The following DLGAP4 variants were observed in gnomAD, a reference collection of about 807,000 sequenced individuals.
The protein encoded by DLGAP4 is disks large-associated protein 4.
A neutral mutation model predicts 86.9 loss-of-function variants in DLGAP4; 18 were observed. The observed-to-expected ratio is 0.21, with a 90% confidence interval of 0.14 to 0.31. The LOEUF is 0.31. DLGAP4 is among the 10% of genes least tolerant of loss of function. The probability of loss-of-function intolerance (pLI) is 1.00; values close to 1 mark genes in which losing one functional copy is unlikely to be tolerated. For synonymous variants in DLGAP4, 548 were observed against 574.3 expected, an observed-to-expected ratio of 0.95 and a Z score of 0.65; for missense variants, 1,085 against 1,362.6, an observed-to-expected ratio of 0.80 and a Z score of 3.21.
Position 36,350,973 on chromosome 20 carries a change from T to C in DLGAP4, c.-303-16072T>C, listed in dbSNP as rs2030130537. On this transcript the variant is annotated intron_variant, in intron 1 of 12. Transcript: ENST00000339266. The surrounding 1 kb of genome is among the most constrained non-coding windows in gnomAD (Gnocchi z 4.4). Reference sequence around the variant, plus strand: ...GGCAGCTGCATTGTTGGTTCAGAGGTATCTGTGGGCCCAGACACATCTAAG... The same window carrying C: ...GGCAGCTGCATTGTTGGTTCAGAGGCATCTGTGGGCCCAGACACATCTAAG... Among the ~76,000 whole-genome samples the C allele has an allele frequency of 1.3e-5, 2 of 152,218 alleles. No individual in the cohort carries two copies. The highest frequency in any genetic ancestry group is 6.5e-5 in the Admixed American group (1 of 15,292).
At chr20:36,354,294 C>CT (rs1361568425) in intron 1 of DLGAP4, among the ~76,000 whole-genome samples, 4 of 152,168 alleles carry the variant, frequency 2.6e-5, no homozygotes, top group African/African-American at 7.2e-5. Context: ...TGCACTCCAG[C>CT]CTGGGTGACA....
chr20:36,515,587 T>G (rs1389896073), intron 10 of DLGAP4, among the ~76,000 whole-genome samples: 1 of 152,220 alleles, frequency 6.6e-6, no homozygotes, highest in African/African-American at 2.4e-5. Flanking sequence ...TTTAAATGTA[T>G]TTTAATTTAT....
intron 2 of DLGAP4, among the ~76,000 whole-genome samples, chr20:36,376,743 GT>G (rs1372864351): frequency 6.6e-6 from 1 of 152,122 alleles, no homozygotes; most frequent in Non-Finnish European, 1.5e-5. Context: ...CGTCAGCTTC[GT>G]GAGACTTAGA....
chr20:36,512,133 C>T (rs1435544016), intron 10 of DLGAP4, among the ~76,000 whole-genome samples: 4 of 148,122 alleles, frequency 2.7e-5, no homozygotes, highest in Non-Finnish European at 5.9e-5. Flanking sequence ...TCACTGCAAG[C>T]TCCACCTCCC....
intron 2 of DLGAP4, among the ~76,000 whole-genome samples, chr20:36,410,428 C>T (rs551999749): frequency 1.3e-5 from 2 of 152,338 alleles, no homozygotes; most frequent in Admixed American, 1.3e-4. Context: ...TGTGTTCTAC[C>T]TGAAGTGTAG....
At chr20:36,440,701 G>C (rs1373934843) in intron 5 of DLGAP4, among the ~76,000 whole-genome samples, 1 of 151,998 alleles carries the variant, frequency 6.6e-6, no homozygotes, top group African/African-American at 2.4e-5. Context: ...CCGTGTACTC[G>C]GCACTTTAGG....
At chr20:36,510,143 CTCTT>C (rs901195970) in intron 10 of DLGAP4, among the ~76,000 whole-genome samples, 2 of 151,318 alleles carry the variant, frequency 1.3e-5, no homozygotes, top group African/African-American at 2.4e-5. Flanking sequence ...GGCCTGAAGT[CTCTT>C]TCTTTCTTCA....
rs2147779672 is a variant in DLGAP4 at position 36,500,846 on chromosome 20, G to GATT, written c.2512+235_2512+236insATT. On this transcript the variant is annotated intron_variant, in intron 10 of 12. Transcript: ENST00000339266. This position sits in a 1 kb window ranked among gnomAD's most constrained non-coding sequence, Gnocchi z 4.6. ...AGCTGTTTGTTGTGCAGGCTGTGAG[G>GATT]CCACCCACACCTGGGTTTGAATCCC... 6.6e-6 allele frequency among the ~76,000 whole-genome samples: 1 copy of GATT among 152,232 alleles called. No individual in the cohort carries two copies. The highest frequency in any genetic ancestry group is 1.9e-4 in the East Asian group (1 of 5,184).
intron 1 of DLGAP4, among the ~76,000 whole-genome samples, chr20:36,321,939 C>CA (rs2065172825): frequency 2.6e-5 from 4 of 152,296 alleles, no homozygotes; most frequent in South Asian, 2.1e-4. Flanking sequence ...TTCATTCATT[C>CA]AACAAATATT....
intron 10 of DLGAP4, among the ~76,000 whole-genome samples, chr20:36,509,233 G>A (rs974608956): frequency 6.6e-6 from 1 of 152,096 alleles, no homozygotes; most frequent in Non-Finnish European, 1.5e-5. Context: ...AACTAGCCTG[G>A]ACAACGTAGT....
At chr20:36,458,900 T>C (rs1394390875) in intron 7 of DLGAP4, among the ~76,000 whole-genome samples, 1 of 151,794 alleles carries the variant, frequency 6.6e-6, no homozygotes, top group Non-Finnish European at 1.5e-5. Context: ...CTTTGGTGGA[T>C]TGGATGTGGG....
At chr20:36,501,028 CAG>C (rs1356094657) in intron 10 of DLGAP4, among the ~76,000 whole-genome samples, 1 of 150,786 alleles carries the variant, frequency 6.6e-6, no homozygotes, top group African/African-American at 2.4e-5. Context: ...CTGTCAGACA[CAG>C]AGAAAAGTGG....
At chr20:36,519,114 C>G (rs1159790056) in intron 10 of DLGAP4, among the ~76,000 whole-genome samples, 1 of 146,414 alleles carries the variant, frequency 6.8e-6, no homozygotes, top group Non-Finnish European at 1.5e-5. Flanking sequence ...GAGACTCCAT[C>G]TCAAAAAAAA....
At chr20:36,490,420 A>G (rs1425560496) in intron 7 of DLGAP4, among the ~76,000 whole-genome samples, 3 of 152,164 alleles carry the variant, frequency 2.0e-5, no homozygotes, top group African/African-American at 7.2e-5. Context: ...TGAGTTGCCC[A>G]ATTTAGCTGT....
At chr20:36,311,783 C>T (rs1318960338) in intron 1 of DLGAP4, among the ~76,000 whole-genome samples, 6 of 152,120 alleles carry the variant, frequency 3.9e-5, no homozygotes, top group African/African-American at 1.4e-4. Flanking sequence ...AGGGTTTGGA[C>T]GAAAGGCTCC....
intron 10 of DLGAP4, among the ~76,000 whole-genome samples, chr20:36,509,576 AT>A (rs1486714121): frequency 3.9e-5 from 6 of 151,922 alleles, no homozygotes; most frequent in African/African-American, 1.2e-4. Flanking sequence ...ATCTCAAAAA[AT>A]AAATAAATAA....
At chr20:36,454,002 G>T (rs1286554258) in intron 7 of DLGAP4, among the ~76,000 whole-genome samples, 1 of 150,790 alleles carries the variant, frequency 6.6e-6, no homozygotes, top group Non-Finnish European at 1.5e-5. Flanking sequence ...CGGGCACAGT[G>T]GCTCACGCCT....
intron 2 of DLGAP4, among the ~76,000 whole-genome samples, chr20:36,410,568 A>G (rs920445488): frequency 6.6e-6 from 1 of 152,204 alleles, no homozygotes; most frequent in African/African-American, 2.4e-5. Context: ...GCTTCTGATG[A>G]GGGCCTCAGG....
intron 2 of DLGAP4, among the ~76,000 whole-genome samples, chr20:36,388,073 A>G (rs1181131641): frequency 6.6e-6 from 1 of 152,224 alleles, no homozygotes; most frequent in East Asian, 1.9e-4. Flanking sequence ...AGCGAGTGTT[A>G]TGAAGAAAAA....
Sources: gnomAD v4.1 joint callset for allele counts (sites outside exome capture counted in the v4.1 genomes callset) on GRCh38, gnomAD v4.1.1 for gene constraint, Gnocchi (gnomAD v3.1) non-coding constraint, MANE v1.5 for transcripts, NCBI Gene and HGNC (gene_info 2026-07-23, HGNC 2026-07-21) for gene names.